The following C6orf132 variants were observed in gnomAD, a reference collection of about 807,000 sequenced individuals.
C6orf132 encodes chromosome 6 open reading frame 132, also known as uncharacterized protein C6orf132.
Under a neutral mutation model 65.3 loss-of-function variants are expected in C6orf132, and 43 were observed. That is an observed-to-expected ratio of 0.66 (90% CI 0.52 to 0.85). The LOEUF is 0.85. Ranked by LOEUF, C6orf132 falls within the 40% of genes least tolerant of loss-of-function variation. C6orf132 has a pLI of 0.00. For missense variants in C6orf132, 1,488 were observed against 1,548.8 expected (o/e 0.96, Z 0.66); for synonymous variants, 631 against 654.1 (o/e 0.96, Z 0.54).
chr6:42,138,157 G>C (rs935550505), intron 1 of C6orf132, among the ~76,000 whole-genome samples: 3 of 152,156 alleles, frequency 2.0e-5, no homozygotes, highest in Non-Finnish European at 4.4e-5. Flanking sequence ...AATTTTTTTG[G>C]GTGGGGGAGG....
intron 2 of C6orf132, among the ~76,000 whole-genome samples, chr6:42,125,598 T>C (rs750934205): frequency 2.2e-4 from 34 of 152,210 alleles, no homozygotes; most frequent in Admixed American, 3.3e-4. Flanking sequence ...CGGTTCACCA[T>C]GTGTCCATTC....
chr6:42,128,222 C>T (rs1053092108), intron 2 of C6orf132, among the ~76,000 whole-genome samples: 1 of 152,058 alleles, frequency 6.6e-6, no homozygotes, highest in Non-Finnish European at 1.5e-5. Context: ...ACCGCACTGG[C>T]CACAATGACA....
chr6:42,112,408 C>G (rs1396635255), intron 2 of C6orf132, among the ~76,000 whole-genome samples: 1 of 152,220 alleles, frequency 6.6e-6, no homozygotes, highest in Non-Finnish European at 1.5e-5. Flanking sequence ...CTCTGGCTTT[C>G]CAGCCTGTCT....
Position 42,103,627 on chromosome 6 carries a change from G to A in C6orf132, c.*134C>T. 2.3e-6 allele frequency: 1 copy of A among 436,366 alleles called. No homozygotes were observed. The highest frequency in any genetic ancestry group is 3.9e-6 in the Non-Finnish European group (1 of 258,902). 27.0% of individuals were successfully genotyped at this position (436,366 alleles called of 1,614,324 possible). ...CCACTGCTTCTCATCGTTGGTCTTT[G>A]GGGATCAAAGACTCCTCTGTGTCTG... On this transcript the variant is annotated 3_prime_UTR_variant, in exon 5 of 5. Transcript: ENST00000341865.
In C6orf132 at chr6:42,104,084, C is replaced by T. The variant is rs1766343118; in HGVS notation, c.3450-206G>A. On this transcript the variant is annotated intron_variant, in intron 4 of 4. Coordinates refer to ENST00000341865, the MANE Select transcript of C6orf132 (RefSeq NM_001164446.3). The surrounding 1 kb of genome is among the most constrained non-coding windows in gnomAD (Gnocchi z 4.1). ...GGTCTGGGCCCTGCTGGCCGGAGAA[C>T]ATGCCTAACAGCCTTTCACTCAGAA... Among the ~76,000 whole-genome samples, 1 of 152,218 alleles carries T rather than the reference C, an allele frequency of 6.6e-6. No individual in the cohort carries two copies. Among genetic ancestry groups the T allele is most frequent in the South Asian group, 2.1e-4 (1 of 4,828 alleles).
chr6:42,115,594 C>T lies in C6orf132; in HGVS notation c.253-5303G>A, dbSNP rs986634824. ...CCGGGAGGCGGAGCTTGCAGTGAGC[C>T]GAGATGGAGGCACTGCACTCCAGCC... is the stretch of plus-strand genomic sequence containing the variant. On this transcript the variant is annotated intron_variant, in intron 2 of 4. Coordinates refer to ENST00000341865, the MANE Select transcript of C6orf132 (RefSeq NM_001164446.3). 2.6e-5 allele frequency among the ~76,000 whole-genome samples: 4 copies of T among 151,982 alleles called. No homozygotes were observed. The East Asian group carries it at 7.8e-4, about 30-fold the overall frequency.
Position 42,104,545 on chromosome 6 carries a change from C to A in C6orf132, c.3367G>T (p.Glu1123Ter), listed in dbSNP as rs1220457464. ...GGLHAPRLSL[E>*]GAARGAAEAK... ...TCCGCGGCGCCCCGGGCGGCGCCCT[C>A]CAGGGACAGCCTCGGCGCGTGCAGG... The change falls in exon 4 of 5, where the codon GAG (glutamate) becomes TAG (stop). Residue 1123 changes from glutamate (E) to a stop codon, truncating the protein, a stop_gained. Coordinates refer to ENST00000341865, the MANE Select transcript of C6orf132 (RefSeq NM_001164446.3). LOFTEE classifies it high-confidence loss of function. The surrounding 1 kb of genome is among the most constrained non-coding windows in gnomAD (Gnocchi z 4.1). 8.0e-7 allele frequency: 1 copy of A among 1,249,628 alleles called. No homozygotes were observed. The highest frequency in any genetic ancestry group is 1.0e-6 in the Non-Finnish European group (1 of 998,908). The allele number at this position is 1,249,628 out of a possible 1,614,324, so 77.4% of individuals were successfully genotyped here. A position where few individuals can be genotyped will look rare whatever the true frequency, so the allele number is the denominator to read the frequency against.
At position 42,103,828 on chromosome 6, in the gene C6orf132, A is replaced by C; in HGVS notation, c.3500T>G (p.Val1167Gly). The change falls in exon 5 of 5, where the codon GTG (valine) becomes GGG (glycine). Residue 1167 changes from valine (V) to glycine (G), a missense_variant. Physicochemically the swap from Val to Gly is moderately radical, Grantham distance 109. Transcript: ENST00000341865. ...GATGGGATGGCGGGTCCCAGGCCTCACGGTGAACGTGTTGATGGGGCTTCC... is the reference window on the plus strand; with the variant it reads ...GATGGGATGGCGGGTCCCAGGCCTCCCGGTGAACGTGTTGATGGGGCTTCC... ...RYGSPINTFT[V>G]RPGTRHPISY... 6.7e-7 allele frequency: 1 copy of C among 1,491,426 alleles called. No homozygotes were observed. The highest frequency in any genetic ancestry group is 8.9e-7 in the Non-Finnish European group (1 of 1,123,022). 92.4% of individuals were successfully genotyped at this position (1,491,426 alleles called of 1,614,324 possible).
chr6:42,113,553 G>A (rs757306155), intron 2 of C6orf132, among the ~76,000 whole-genome samples: 12 of 152,180 alleles, frequency 7.9e-5, no homozygotes, highest in Admixed American at 2.0e-4. Flanking sequence ...GGTGGCTCAC[G>A]CCTGTAATCC....
chr6:42,103,505 C>G lies in C6orf132; in HGVS notation c.*256G>C, dbSNP rs116998188. On this transcript the variant is annotated 3_prime_UTR_variant, in exon 5 of 5. Transcript: ENST00000341865. ...GCGCCCAGGTCCTTAATGGTTCCTT[C>G]TCTCTACCCTCCTTCCCCTCCCACC... 6.9e-4 allele frequency: 271 copies of G among 390,594 alleles called. No homozygotes were observed. The East Asian group carries it at 9.4e-3, about 14-fold the overall frequency. 24.2% of individuals were successfully genotyped at this position (390,594 alleles called of 1,614,324 possible).
At chr6:42,142,005 G>A (rs1424099068) in intron 1 of C6orf132, among the ~76,000 whole-genome samples, 2 of 152,120 alleles carry the variant, frequency 1.3e-5, no homozygotes, top group African/African-American at 2.4e-5. Flanking sequence ...GATTCGCCAA[G>A]AGGGGGAATT....
chr6:42,137,224 G>T (rs1396811445), intron 1 of C6orf132, among the ~76,000 whole-genome samples: 2 of 152,136 alleles, frequency 1.3e-5, no homozygotes, highest in East Asian at 1.9e-4. Context: ...TACTCTATTG[G>T]CTAGGAGAGA....
Position 42,106,088 on chromosome 6 carries a change from G to A in C6orf132, c.1824C>T (p.Asp608=), listed in dbSNP as rs1043292346. Reference sequence around the variant, plus strand: ...TCTTGGCCACAGGCTTGGAGAGTTTGTCATCATCAGCCCCGTTTTCACAAA... The same window carrying A: ...TCTTGGCCACAGGCTTGGAGAGTTTATCATCATCAGCCCCGTTTTCACAAA... ...GRICENGADD[D]KLSKPVAKNL... The change falls in exon 4 of 5, where the codon GAC becomes GAT. Residue 608 remains aspartate (D), a synonymous_variant. Transcript: ENST00000341865. 2.3e-5 allele frequency: 36 copies of A among 1,537,136 alleles called. No individual in the cohort carries two copies. Among genetic ancestry groups the A allele is most frequent in the Non-Finnish European group, 3.1e-5 (35 of 1,146,922 alleles).
At chr6:42,113,035 A>G (rs1406532279) in intron 2 of C6orf132, among the ~76,000 whole-genome samples, 1 of 151,868 alleles carries the variant, frequency 6.6e-6, no homozygotes, top group Non-Finnish European at 1.5e-5. Context: ...ACCTGTTCTC[A>G]ACTTTTCTCA....
chr6:42,129,048 C>T (rs529627652), intron 1 of C6orf132, among the ~76,000 whole-genome samples: 15 of 152,362 alleles, frequency 9.8e-5, no homozygotes, highest in South Asian at 6.2e-4. Context: ...ATAACCACCA[C>T]GCTGTACCGT....
In C6orf132 at chr6:42,106,903, G is replaced by T. The variant is rs1015415208; in HGVS notation, c.1009C>A (p.Arg337=). ...TGGAAGCTGGGAGGCAGTGGGAGTC[G>T]GCTGGGAGCCTTCTTGGTGGCCCCC... The part of the protein sequence containing the change: ...EEGATKKAPS[R]LPLPPSFHIR... Residue 337 remains arginine (R), a synonymous_variant, in exon 4 of 5, where the codon CGA becomes AGA. Transcript: ENST00000341865. The T allele has an allele frequency of 1.3e-6, 2 of 1,535,998 alleles. No homozygotes were observed. The highest frequency in any genetic ancestry group is 2.0e-5 in the Admixed American group (1 of 50,950).
At position 42,106,512 on chromosome 6, in the gene C6orf132, A is replaced by G. The variant is rs944614564; in HGVS notation, c.1400T>C (p.Met467Thr). 1.2e-5 allele frequency: 18 copies of G among 1,535,516 alleles called. No individual in the cohort carries two copies. Among genetic ancestry groups the G allele is most frequent in the African/African-American group, 2.7e-5 (2 of 72,750 alleles). Residue 467 changes from methionine to threonine, a missense_variant, in exon 4 of 5, where the codon ATG (methionine) becomes ACG (threonine). Coordinates refer to ENST00000341865, the MANE Select transcript of C6orf132 (RefSeq NM_001164446.3). The stretch of plus-strand genomic sequence containing the variant: ...TGCCAGCTCGTTCCGCAGCTTTTCC[A>G]TCTGGCTGGGGTCCCTCCAGTCCAC... ...APVDWRDPSQ[M>T]EKLRNELAAY...
chr6:42,125,269 G>A (rs1056931632), intron 2 of C6orf132, among the ~76,000 whole-genome samples: 1 of 152,118 alleles, frequency 6.6e-6, no homozygotes, highest in Admixed American at 6.5e-5. Context: ...GATTCCAGTC[G>A]CGCTCTGCCA....
intron 2 of C6orf132, among the ~76,000 whole-genome samples, chr6:42,127,198 T>TC (rs1766781464): frequency 6.6e-6 from 1 of 152,174 alleles, no homozygotes; most frequent in Non-Finnish European, 1.5e-5. Flanking sequence ...CAAGTGATCC[T>TC]CCCACCTCGG....
Sources: allele counts gnomAD v4.1 joint callset (sites outside exome capture counted in the v4.1 genomes callset), GRCh38; gene constraint gnomAD v4.1.1; non-coding constraint Gnocchi (gnomAD v3.1); transcripts MANE v1.5; gene names NCBI Gene and HGNC (gene_info 2026-07-23, HGNC 2026-07-21).